The following ADAMTSL1 variants were observed in gnomAD, a reference collection of about 807,000 sequenced individuals.
ADAMTSL1 encodes ADAMTS like 1, also known as ADAMTS-like protein 1.
In ADAMTSL1, 126 loss-of-function variants were observed where a neutral mutation model predicts 201.8. The ratio of observed to expected loss-of-function variants is 0.62; its 90% CI spans 0.54 to 0.72. ADAMTSL1 has a LOEUF of 0.72. Among genes scored for constraint, ADAMTSL1 ranks in the 30% least tolerant of loss-of-function variants. ADAMTSL1 has a pLI of 0.00. For missense variants in ADAMTSL1, 2,679 were observed against 2,277.8 expected, an observed-to-expected ratio of 1.18 and a Z score of -3.59; for synonymous variants, 1,121 against 903.4, an observed-to-expected ratio of 1.24 and a Z score of -4.32.
chr9:18,066,888 C>G (rs1330973815), intron 1 of ADAMTSL1, among the ~76,000 whole-genome samples: 3 of 151,946 alleles, frequency 2.0e-5, no homozygotes, highest in Admixed American at 6.5e-5. Flanking sequence ...ATTGCGAGAA[C>G]AAAAAACCAA....
intron 2 of ADAMTSL1, among the ~76,000 whole-genome samples, chr9:18,269,051 T>A (rs1455540208): frequency 6.6e-6 from 1 of 152,150 alleles, no homozygotes; most frequent in African/African-American, 2.4e-5. Context: ...TTACACAGTC[T>A]ATATTATCAC....
chr9:18,623,949 A>G (rs148768953), intron 5 of ADAMTSL1, among the ~76,000 whole-genome samples: 3 of 152,306 alleles, frequency 2.0e-5, no homozygotes, highest in African/African-American at 7.2e-5. Context: ...GTTGCTTTAA[A>G]TGGACTTATA....
intron 1 of ADAMTSL1, among the ~76,000 whole-genome samples, chr9:18,036,519 A>G (rs1474469631): frequency 1.3e-5 from 2 of 152,178 alleles, no homozygotes; most frequent in South Asian, 2.1e-4. Context: ...AGCAGGCACA[A>G]TTCTGGCCAT....
At chr9:18,377,900 G>C (rs997459899) in intron 2 of ADAMTSL1, among the ~76,000 whole-genome samples, 11 of 151,984 alleles carry the variant, frequency 7.2e-5, no homozygotes, top group African/African-American at 2.7e-4. Flanking sequence ...TATTTGGAAA[G>C]GCCTAGTGGA....
intron 2 of ADAMTSL1, among the ~76,000 whole-genome samples, chr9:18,300,184 C>A (rs1437440174): frequency 6.6e-6 from 1 of 152,142 alleles, no homozygotes. Flanking sequence ...CAGCACTATT[C>A]ACTATAGCAA....
intron 1 of ADAMTSL1, among the ~76,000 whole-genome samples, chr9:18,080,967 C>T (rs1194023919): frequency 6.6e-6 from 1 of 152,182 alleles, no homozygotes; most frequent in East Asian, 1.9e-4. Flanking sequence ...TGTGAGTCAA[C>T]TTTTAAAATA....
chr9:18,606,580 G>A (rs145160123), intron 4 of ADAMTSL1, among the ~76,000 whole-genome samples: 30 of 152,212 alleles, frequency 2.0e-4, no homozygotes, highest in Non-Finnish European at 3.1e-4. Flanking sequence ...AGTGTAATAG[G>A]AATGACATTT....
intron 2 of ADAMTSL1, among the ~76,000 whole-genome samples, chr9:18,216,956 C>G (rs1253191094): frequency 6.6e-6 from 1 of 151,992 alleles, no homozygotes; most frequent in African/African-American, 2.4e-5. Context: ...AATGGGAGTA[C>G]TATTTGTACC....
chr9:18,732,090 A>G (rs1818248763), intron 15 of ADAMTSL1, among the ~76,000 whole-genome samples: 1 of 152,350 alleles, frequency 6.6e-6, no homozygotes, highest in East Asian at 1.9e-4. Context: ...GCATATGTAA[A>G]ACACTTAGCT....
chr9:18,561,831 G>C (rs1821522131), intron 3 of ADAMTSL1, among the ~76,000 whole-genome samples: 1 of 152,092 alleles, frequency 6.6e-6, no homozygotes, highest in Non-Finnish European at 1.5e-5. Flanking sequence ...TTTTCTCAGA[G>C]ACTAGGATTG....
At chr9:18,391,064 T>C (rs902026431) in intron 2 of ADAMTSL1, among the ~76,000 whole-genome samples, 1 of 152,142 alleles carries the variant, frequency 6.6e-6, no homozygotes, top group African/African-American at 2.4e-5. Context: ...CAGTCATGAG[T>C]GAGAGGGGTC....
intron 2 of ADAMTSL1, among the ~76,000 whole-genome samples, chr9:18,289,176 C>CTATCTATCAT (rs1563861628): frequency 2.3e-5 from 1 of 43,186 alleles, no homozygotes; most frequent in African/African-American, 7.2e-5. Context: ...TATCTATCTA[C>CTATCTATCAT]CTACCTATCT....
intron 2 of ADAMTSL1, among the ~76,000 whole-genome samples, chr9:18,447,831 A>T (rs1820254299): frequency 6.6e-6 from 1 of 152,232 alleles, no homozygotes; most frequent in Non-Finnish European, 1.5e-5. Context: ...TGGTGACAGT[A>T]GCTCTTTGAA....
At chr9:18,022,739 T>C (rs1233465389) in intron 1 of ADAMTSL1, among the ~76,000 whole-genome samples, 2 of 152,210 alleles carry the variant, frequency 1.3e-5, no homozygotes, top group Non-Finnish European at 2.9e-5. Flanking sequence ...GCATGATTTA[T>C]GCATGTGCTG....
At chr9:18,287,366 C>T (rs1431556706) in intron 2 of ADAMTSL1, among the ~76,000 whole-genome samples, 1 of 151,712 alleles carries the variant, frequency 6.6e-6, no homozygotes, top group Admixed American at 6.6e-5. Context: ...CATACATATA[C>T]ACACATACAT....
Position 18,655,531 on chromosome 9 carries a change from T to A in ADAMTSL1, c.835-2108T>A, listed in dbSNP as rs548054578. ...CAGAGTTTCTCCAAGTATTATGATG[T>A]TATATCCTCCTCACATTGGCTGTAA... On this transcript the variant is annotated intron_variant, in intron 7 of 28. Transcript: ENST00000380548. 9.9e-5 allele frequency among the ~76,000 whole-genome samples: 15 copies of A among 152,224 alleles called. No individual in the cohort carries two copies. In the East Asian group the frequency reaches 2.7e-3, roughly 27 times the overall value.
At chr9:18,800,759 G>A (rs1390503917) in intron 20 of ADAMTSL1, among the ~76,000 whole-genome samples, 1 of 152,154 alleles carries the variant, frequency 6.6e-6, no homozygotes, top group African/African-American at 2.4e-5. Flanking sequence ...ACAGGTGGTG[G>A]GATATACCAC....
At chr9:18,775,058 T>TTA (rs1554631716) in intron 17 of ADAMTSL1, among the ~76,000 whole-genome samples, 4 of 129,640 alleles carry the variant, frequency 3.1e-5, no homozygotes, top group African/African-American at 1.0e-4. Context: ...GTCTTTTTTT[T>TTA]TTATTATTAT....
Position 18,328,216 on chromosome 9 carries a change from C to G in ADAMTSL1, c.207+164235C>G, listed in dbSNP as rs140097049. Among the ~76,000 whole-genome samples the G allele has an allele frequency of 5.3e-3, 804 of 152,326 alleles. 9 individuals are homozygous for G. Among genetic ancestry groups the G allele is most frequent in the African/African-American group, 0.019 (776 of 41,576 alleles). On this transcript the variant is annotated intron_variant, in intron 2 of 29. Coordinates refer to the ADAMTSL1 transcript ENST00000680146. The stretch of plus-strand genomic sequence containing the variant: ...TTATCCAATTTGTTACTTTTCACTG[C>G]TGTGGAGAGTGCATGTGTGTTCTCA...
Sources: allele counts gnomAD v4.1 joint callset (sites outside exome capture counted in the v4.1 genomes callset), GRCh38; gene constraint gnomAD v4.1.1; transcripts MANE v1.5; gene names NCBI Gene and HGNC (gene_info 2026-07-23, HGNC 2026-07-21).